The following YTHDF3 variants were observed in gnomAD, a reference collection of about 807,000 sequenced individuals.
The protein encoded by YTHDF3 is YTH domain-containing family protein 3.
In YTHDF3, 9 loss-of-function variants were observed where a neutral mutation model predicts 52.5. The ratio of observed to expected loss-of-function variants is 0.17; its 90% CI spans 0.10 to 0.30. The LOEUF (loss-of-function observed/expected upper bound fraction) is 0.30, where lower values mean the gene tolerates loss of function less well. Among genes scored for constraint, YTHDF3 ranks in the 10% least tolerant of loss-of-function variants. YTHDF3 has a pLI of 1.00. For synonymous variants in YTHDF3, 274 were observed against 243.3 expected (o/e 1.13, Z -1.18); for missense variants, 534 against 715.0 (o/e 0.75, Z 2.89).
At chr8:63,179,607 C>G (rs562630623) in intron 3 of YTHDF3, among the ~76,000 whole-genome samples, 33 of 152,250 alleles carry the variant, frequency 2.2e-4, no homozygotes, top group Middle Eastern at 6.8e-3. Flanking sequence ...AAAAGTCTCC[C>G]ATGTCTACCT....
At chr8:63,185,591 G>A (rs1025943793) in intron 3 of YTHDF3, among the ~76,000 whole-genome samples, 12 of 152,108 alleles carry the variant, frequency 7.9e-5, no homozygotes, top group African/African-American at 2.9e-4. Flanking sequence ...TGCTATAAAC[G>A]TAATCTTGAA....
intron 4 of YTHDF3, among the ~76,000 whole-genome samples, chr8:63,195,731 C>CGCGT (rs1554538672): frequency 4.8e-5 from 7 of 145,266 alleles, no homozygotes; most frequent in African/African-American, 1.8e-4. Context: ...CATGTATTTA[C>CGCGT]GTGTGTGTGT....
chr8:63,202,000 C>CT, intron 4 of YTHDF3, among the ~76,000 whole-genome samples: 1 of 152,238 alleles, frequency 6.6e-6, no homozygotes, highest in Admixed American at 6.5e-5. Context: ...CCTGCATGTT[C>CT]TTTTCTTAAC....
intron 3 of YTHDF3, 71 bp from the exon 4 acceptor site, chr8:63,186,076 A>T: frequency 7.1e-7 from 1 of 1,417,122 alleles, no homozygotes; most frequent in South Asian, 1.4e-5. Flanking sequence ...CTTGATTTTA[A>T]TCTTTCAGAT....
At chr8:63,194,109 C>T (rs1809087090) in intron 4 of YTHDF3, among the ~76,000 whole-genome samples, 1 of 151,682 alleles carries the variant, frequency 6.6e-6, no homozygotes, top group Admixed American at 6.6e-5. Flanking sequence ...GTGCCTGAGA[C>T]AGTATAACAG....
At chr8:63,173,621 A>G in intron 2 of YTHDF3, 2 of 984,752 alleles carry the variant, frequency 2.0e-6, no homozygotes, top group Middle Eastern at 5.2e-4. Flanking sequence ...TCAAGAAGTA[A>G]TAGACCATGC....
intron 4 of YTHDF3, among the ~76,000 whole-genome samples, chr8:63,202,761 C>T (rs537775434): frequency 2.0e-5 from 3 of 151,986 alleles, no homozygotes; most frequent in African/African-American, 7.3e-5. Flanking sequence ...CCGCACCTGG[C>T]CTTTGTTCTA....
intron 3 of YTHDF3, among the ~76,000 whole-genome samples, chr8:63,179,741 C>T (rs569077564): frequency 6.6e-6 from 1 of 152,346 alleles, no homozygotes; most frequent in Admixed American, 6.5e-5. Context: ...GGGTACACCT[C>T]CCAGATGGGG....
chr8:63,175,688 G>T lies in YTHDF3; in HGVS notation c.135+272G>T, dbSNP rs6995764. 2.6e-3 allele frequency: 646 copies of T among 250,550 alleles called. 1 individual carries two copies. The highest frequency in any genetic ancestry group is 0.014 in the African/African-American group (615 of 45,440). The allele number at this position is 250,550 out of a possible 1,614,324, so 15.5% of individuals were successfully genotyped here. A position where few individuals can be genotyped will look rare whatever the true frequency, so the allele number is the denominator to read the frequency against. ...TGTATATATTATGGTTAGGTTTTTT[G>T]TGTGTGTGTATTGAAGGAACTTAAT... On this transcript the variant is annotated intron_variant, in intron 3 of 4. Coordinates refer to ENST00000539294, the MANE Select transcript of YTHDF3 (RefSeq NM_152758.6).
chr8:63,188,379 T>C (rs1360409211), intron 4 of YTHDF3, among the ~76,000 whole-genome samples: 3 of 151,062 alleles, frequency 2.0e-5, no homozygotes, highest in South Asian at 2.1e-4. Flanking sequence ...CCGGCAGGAG[T>C]GTACTGGCGT....
chr8:63,179,705 T>C (rs1180503902), intron 3 of YTHDF3, among the ~76,000 whole-genome samples: 12 of 152,118 alleles, frequency 7.9e-5, no homozygotes, highest in African/African-American at 2.7e-4. Flanking sequence ...GCCATCGCCA[T>C]CATGGCCCGT....
At chr8:63,172,889 C>T in intron 2 of YTHDF3, 2 of 1,009,048 alleles carry the variant, frequency 2.0e-6, no homozygotes, top group East Asian at 3.3e-5. Context: ...TTTCAGACTC[C>T]AAGACATTAG....
chr8:63,177,847 G>T (rs541713489), intron 3 of YTHDF3, among the ~76,000 whole-genome samples: 1 of 150,000 alleles, frequency 6.7e-6, no homozygotes, highest in African/African-American at 2.5e-5. Context: ...AACCTCTGTC[G>T]CCCAGGTTCA....
In YTHDF3 at chr8:63,187,080, C is replaced by T; in HGVS notation, c.1069C>T (p.Pro357Ser). 1 of 1,613,750 alleles carries T rather than the reference C, an allele frequency of 6.2e-7. No homozygotes were observed. Among genetic ancestry groups the T allele is most frequent in the Admixed American group, 1.7e-5 (1 of 59,966 alleles). The change falls in exon 4 of 5, where the codon CCT becomes TCT. Residue 357 changes from proline to serine, a missense_variant. Around this residue, in one of 3 missense-constraint regions of YTHDF3, gnomAD observed 203 missense variants for 201.3 expected, o/e 1.01. Coordinates refer to ENST00000539294, the MANE Select transcript of YTHDF3 (RefSeq NM_152758.6). Reference sequence around the variant, plus strand: ...GCAGCTGCAGAATCGCTGGGTAGCTCCTCGTAACAGGGGAGCAGGCTTCAA... The same window carrying T: ...GCAGCTGCAGAATCGCTGGGTAGCTTCTCGTAACAGGGGAGCAGGCTTCAA... ...QQQLQNRWVA[P>S]RNRGAGFNQN...
At chr8:63,172,936 T>A in intron 2 of YTHDF3, 3 of 708,090 alleles carry the variant, frequency 4.2e-6, no homozygotes, top group Non-Finnish European at 3.9e-6. Flanking sequence ...CGAAAGTCTT[T>A]AAGATAGTTT....
intron 4 of YTHDF3, among the ~76,000 whole-genome samples, chr8:63,201,008 T>A (rs1809603697): frequency 1.3e-5 from 2 of 152,184 alleles, no homozygotes; most frequent in Admixed American, 1.3e-4. Context: ...TCAGCAGGCA[T>A]TTTTGAACAT....
At chr8:63,190,662 C>G (rs1479866241) in intron 4 of YTHDF3, among the ~76,000 whole-genome samples, 2 of 152,126 alleles carry the variant, frequency 1.3e-5, no homozygotes, top group African/African-American at 2.4e-5. Context: ...GCCAACTGTT[C>G]AAATAAGGCA....
intron 4 of YTHDF3, among the ~76,000 whole-genome samples, chr8:63,207,939 ACTTT>A (rs1416344911): frequency 1.6e-4 from 24 of 152,254 alleles, no homozygotes; most frequent in Admixed American, 1.0e-3. Flanking sequence ...AGTGAATTAA[ACTTT>A]CTTTATGTTT....
intron 4 of YTHDF3, among the ~76,000 whole-genome samples, chr8:63,194,266 C>G (rs771128408): frequency 1.9e-4 from 29 of 151,796 alleles, no homozygotes; most frequent in Non-Finnish European, 3.5e-4. Flanking sequence ...GGAGGATCAC[C>G]TGAGATCAGG....
Sources: gnomAD v4.1 joint callset for allele counts (sites outside exome capture counted in the v4.1 genomes callset) on GRCh38, gnomAD v4.1.1 for gene constraint, gnomAD v4.1.1 regional missense constraint, MANE v1.5 for transcripts, NCBI Gene and HGNC (gene_info 2026-07-23, HGNC 2026-07-21) for gene names.